Variants in CDH4 observed in about 807,000 individuals in gnomAD.
CDH4 encodes cadherin 4.
In CDH4, 33 loss-of-function variants were observed where a neutral mutation model predicts 86.0. That is an observed-to-expected ratio of 0.38 (90% confidence interval 0.29 to 0.51). The LOEUF (loss-of-function observed/expected upper bound fraction) is 0.51. CDH4 is among the 20% of genes least tolerant of loss of function. CDH4 has a pLI of 0.86. For missense variants in CDH4, 1,114 were observed against 1,307.4 expected (o/e 0.85, Z 2.28); for synonymous variants, 555 against 549.4 (o/e 1.01, Z -0.14).
rs183108664 is a variant in CDH4 at position 61,543,731 on chromosome 20, G to A, written c.170-199832G>A. ...GACTCGTGAATGGCAGCTGTAAAGT[G>A]CTCTTCTCTTAAAGTAATCTCACAA... On this transcript the variant is annotated intron_variant, in intron 2 of 15. Transcript: ENST00000614565. Among the ~76,000 whole-genome samples, 4 of 152,326 alleles carry A rather than the reference G, an allele frequency of 2.6e-5. No individual in the cohort carries two copies. The East Asian group carries it at 7.7e-4, about 29-fold the overall frequency.
At chr20:61,713,148 G>C (rs1003712918) in intron 2 of CDH4, among the ~76,000 whole-genome samples, 1 of 152,210 alleles carries the variant, frequency 6.6e-6, no homozygotes, top group Non-Finnish European at 1.5e-5. Flanking sequence ...TGCAAAATAT[G>C]CAAAAATAAG....
At chr20:61,646,865 C>T (rs1178063170) in intron 2 of CDH4, among the ~76,000 whole-genome samples, 1 of 152,232 alleles carries the variant, frequency 6.6e-6, no homozygotes, top group Non-Finnish European at 1.5e-5. Context: ...TTGATTAGAA[C>T]ATTTTCTGAT....
intron 2 of CDH4, among the ~76,000 whole-genome samples, chr20:61,725,969 C>G (rs1199202943): frequency 2.6e-5 from 4 of 152,236 alleles, no homozygotes; most frequent in Non-Finnish European, 5.9e-5. Context: ...CAGGGCCTGG[C>G]TTCCCTGAGT....
chr20:61,279,108 G>A (rs1173131059), intron 2 of CDH4, among the ~76,000 whole-genome samples: 1 of 152,210 alleles, frequency 6.6e-6, no homozygotes, highest in Non-Finnish European at 1.5e-5. Context: ...AGGCATGACT[G>A]ACGTTCCTGA....
chr20:61,526,858 G>C (rs1233099765), intron 2 of CDH4, among the ~76,000 whole-genome samples: 1 of 152,144 alleles, frequency 6.6e-6, no homozygotes, highest in Non-Finnish European at 1.5e-5. Flanking sequence ...CAAATGGCAT[G>C]TCAATTTTAA....
At chr20:61,615,106 T>C (rs1276020424) in intron 2 of CDH4, among the ~76,000 whole-genome samples, 1 of 136,634 alleles carries the variant, frequency 7.3e-6, no homozygotes, top group Non-Finnish European at 1.6e-5. Flanking sequence ...TTTTGCTTTT[T>C]TTGTTGTTGT....
intron 2 of CDH4, among the ~76,000 whole-genome samples, chr20:61,649,766 C>T (rs2087102626): frequency 6.6e-6 from 1 of 152,228 alleles, no homozygotes; most frequent in Admixed American, 6.5e-5. Flanking sequence ...GGGCCGTGAG[C>T]AGGTCTGTGA....
At chr20:61,704,621 C>T (rs1260602450) in intron 2 of CDH4, among the ~76,000 whole-genome samples, 1 of 152,190 alleles carries the variant, frequency 6.6e-6, no homozygotes, top group African/African-American at 2.4e-5. Context: ...GTCACTCTCA[C>T]CCCTGGTGTC....
At chr20:61,738,278 T>C (rs2088289690) in intron 2 of CDH4, 1 of 152,150 alleles carries the variant, frequency 6.6e-6, no homozygotes, top group South Asian at 2.1e-4. Flanking sequence ...CTAATGGAAG[T>C]AATTAGCAAA....
At chr20:61,622,900 T>C (rs1193439153) in intron 2 of CDH4, among the ~76,000 whole-genome samples, 6 of 151,672 alleles carry the variant, frequency 4.0e-5, no homozygotes, top group African/African-American at 1.5e-4. Flanking sequence ...TCAGGGGAGG[T>C]GGCTGCGGAG....
At chr20:61,349,158 C>G (rs2084695958) in intron 2 of CDH4, among the ~76,000 whole-genome samples, 1 of 152,224 alleles carries the variant, frequency 6.6e-6, no homozygotes, top group Admixed American at 6.5e-5. Context: ...GGCCACTTCT[C>G]AGGAACCGGC....
At position 61,596,686 on chromosome 20, in the gene CDH4, G is replaced by A. The variant is rs147993766; in HGVS notation, c.170-146877G>A. 3.9e-3 allele frequency among the ~76,000 whole-genome samples: 592 copies of A among 152,300 alleles called. 3 individuals are homozygous for A. Among genetic ancestry groups the A allele is most frequent in the African/African-American group, 0.013 (560 of 41,558 alleles). ...ATACAGCTGTGAACACAACAGATGA[G>A]GTCCTGGAAATGCTCAGATTTCATA... is the stretch of plus-strand genomic sequence containing the variant. On this transcript the variant is annotated intron_variant, in intron 2 of 15. Coordinates refer to ENST00000614565, the MANE Select transcript of CDH4 (RefSeq NM_001794.5).
At chr20:61,660,447 G>A (rs112952338) in intron 2 of CDH4, among the ~76,000 whole-genome samples, 8 of 152,330 alleles carry the variant, frequency 5.3e-5, no homozygotes, top group African/African-American at 1.2e-4. Context: ...GGCAGGTGAC[G>A]CCGGGACTCG....
At chr20:61,349,512 G>A (rs1308586094) in intron 2 of CDH4, among the ~76,000 whole-genome samples, 2 of 152,250 alleles carry the variant, frequency 1.3e-5, no homozygotes, top group East Asian at 1.9e-4. Context: ...CCCGGGAAGG[G>A]TGAGCGCAGA....
intron 13 of CDH4, among the ~76,000 whole-genome samples, chr20:61,931,100 G>A (rs1013353835): frequency 4.6e-5 from 7 of 152,244 alleles, no homozygotes; most frequent in Non-Finnish European, 7.3e-5. Flanking sequence ...GGGGGCACCC[G>A]GAGTGGCCTC....
chr20:61,555,841 G>C (rs2086173252), intron 2 of CDH4, among the ~76,000 whole-genome samples: 1 of 152,196 alleles, frequency 6.6e-6, no homozygotes, highest in South Asian at 2.1e-4. Flanking sequence ...CAGGAAACAT[G>C]ATACAATCCC....
rs974984371 is a variant in CDH4, at chr20:61,523,228, T to C, written c.170-220335T>C. 4.6e-5 allele frequency among the ~76,000 whole-genome samples: 7 copies of C among 152,336 alleles called. No homozygotes were observed. The East Asian group carries it at 1.4e-3, about 29-fold the overall frequency. ...CATTGCTGCTGGAGCTTTCTCACCA[T>C]CAGGAGGCCTCATCTCAGGCCACGG... On this transcript the variant is annotated intron_variant, in intron 2 of 15. Coordinates refer to ENST00000614565, the MANE Select transcript of CDH4 (RefSeq NM_001794.5).
intron 2 of CDH4, among the ~76,000 whole-genome samples, chr20:61,296,290 T>C (rs1312544229): frequency 0.023 from 3,455 of 150,458 alleles, 153 homozygotes; most frequent in African/African-American, 0.079. Flanking sequence ...GGTGCGTGTG[T>C]GTGTGTGCGT....
At chr20:61,885,037 G>A (rs1984476358) in intron 7 of CDH4, among the ~76,000 whole-genome samples, 1 of 152,110 alleles carries the variant, frequency 6.6e-6, no homozygotes, top group Non-Finnish European at 1.5e-5. Context: ...GCCAGAGGCA[G>A]CCCCCACCCC....
Sources: allele counts gnomAD v4.1 joint callset (sites outside exome capture counted in the v4.1 genomes callset), GRCh38; gene constraint gnomAD v4.1.1; transcripts MANE v1.5; gene names NCBI Gene and HGNC (gene_info 2026-07-23, HGNC 2026-07-21).